Variants in PRIM2 observed in about 807,000 individuals in gnomAD.
The protein encoded by PRIM2 is DNA primase subunit 2.
PRIM2 carries 39 observed loss-of-function variants against 67.3 expected under a neutral mutation model. That is an observed-to-expected ratio of 0.58 (90% CI 0.45 to 0.76). The LOEUF is 0.76. Ranked by LOEUF, PRIM2 falls within the 30% of genes least tolerant of loss-of-function variation. PRIM2 has a pLI of 0.00. For missense variants in PRIM2, 398 were observed against 598.7 expected (o/e 0.66, Z 3.50); for synonymous variants, 143 against 198.7 (o/e 0.72, Z 2.36).
chr6:57,395,668 C>G (rs1770494676), intron 7 of PRIM2, among the ~76,000 whole-genome samples: 1 of 151,986 alleles, frequency 6.6e-6, no homozygotes, highest in Non-Finnish European at 1.5e-5. Context: ...TCATTTAATT[C>G]TGCTCTGATC....
intron 12 of PRIM2, among the ~76,000 whole-genome samples, chr6:57,630,947 TAGTC>T (rs1468094503): frequency 0.015 from 2,277 of 152,306 alleles, 67 homozygotes; most frequent in African/African-American, 0.053. Flanking sequence ...ACAGGCCAGA[TAGTC>T]AGACTGGCAG....
intron 7 of PRIM2, among the ~76,000 whole-genome samples, chr6:57,428,910 A>T (rs1771724634): frequency 1.3e-5 from 2 of 152,180 alleles, no homozygotes; most frequent in African/African-American, 4.8e-5. Context: ...GTATGTATAT[A>T]TGTATTCTAT....
At chr6:57,376,157 C>T (rs1158163205) in intron 5 of PRIM2, among the ~76,000 whole-genome samples, 1 of 152,140 alleles carries the variant, frequency 6.6e-6, no homozygotes, top group Non-Finnish European at 1.5e-5. Context: ...GTGATCATAC[C>T]ATTGCATTCC....
At chr6:57,294,455 T>C in the PRIM2 span, among the ~76,000 whole-genome samples, 1 of 152,144 alleles carries the variant, frequency 6.6e-6, no homozygotes, top group Non-Finnish European at 1.5e-5. Flanking sequence ...CACTCCAGCC[T>C]GGGCAACAGA....
chr6:57,360,502 C>T (rs1385482064), intron 5 of PRIM2, among the ~76,000 whole-genome samples: 1 of 152,086 alleles, frequency 6.6e-6, no homozygotes, highest in Non-Finnish European at 1.5e-5. Context: ...AATACAATTT[C>T]GTAAGTCCAG....
intron 7 of PRIM2, among the ~76,000 whole-genome samples, chr6:57,446,418 C>CTTTTTTTCTTTTTTTTTTTTTTTT (rs1772367208): frequency 1.2e-5 from 1 of 83,814 alleles, no homozygotes; most frequent in Non-Finnish European, 2.3e-5. Flanking sequence ...CACGCCACTT[C>CTTTTTTTCTTTTTTTTTTTTTTTT]TTTTTTTTTT....
chr6:57,507,405 C>T lies in PRIM2; in HGVS notation c.712C>T (p.Pro238Ser). 6.4e-7 allele frequency: 1 copy of T among 1,553,160 alleles called. No individual in the cohort carries two copies. Among genetic ancestry groups the T allele is most frequent in the Non-Finnish European group, 8.7e-7 (1 of 1,150,948 alleles). The change falls in exon 8 of 14, where the codon CCT becomes TCT. Residue 238 changes from proline (P) to serine (S), a missense_variant. This residue lies in a region of PRIM2 where 229 missense variants were observed against 383.6 expected (regional missense o/e 0.60). Coordinates refer to ENST00000615550, the MANE Select transcript of PRIM2 (RefSeq NM_000947.5). ...KALALTARSL[P>S]AVQSDERLQP... ...CTTTTAGTTAACAGCCAGGTCCTTG[C>T]CTGCTGTGCAGTCTGATGAAAGACT... is the stretch of plus-strand genomic sequence containing the variant.
intron 7 of PRIM2, among the ~76,000 whole-genome samples, chr6:57,441,301 T>C (rs1329933999): frequency 2.0e-5 from 3 of 152,236 alleles, no homozygotes; most frequent in African/African-American, 7.2e-5. Flanking sequence ...AGACCTTTTT[T>C]CCCCGCTAGC....
intron 5 of PRIM2, among the ~76,000 whole-genome samples, chr6:57,370,988 G>T (rs1415797114): frequency 6.6e-6 from 1 of 152,038 alleles, no homozygotes; most frequent in Admixed American, 6.6e-5. Context: ...ATGAGTGACT[G>T]CACCCAGCCC....
At chr6:57,275,072 C>T in the PRIM2 span, among the ~76,000 whole-genome samples, 4 of 152,084 alleles carry the variant, frequency 2.6e-5, no homozygotes, top group Non-Finnish European at 4.4e-5. Context: ...CCAGCCCCTC[C>T]TCCCACATTT....
intron 7 of PRIM2, among the ~76,000 whole-genome samples, chr6:57,465,834 ATTATAC>A (rs1416658967): frequency 0.047 from 7,193 of 151,656 alleles, 311 homozygotes; most frequent in African/African-American, 0.11. Context: ...TTTTTTTATA[ATTATAC>A]TTATAAGTTC....
At chr6:57,241,919 T>G in the PRIM2 span, among the ~76,000 whole-genome samples, 446 of 152,080 alleles carry the variant, frequency 2.9e-3, 6 homozygotes, top group East Asian at 0.056. Flanking sequence ...TGATCTGCCC[T>G]CCTTGGCCTC....
At chr6:57,380,118 C>G (rs1260415329) in intron 6 of PRIM2, 122 bp downstream of exon 6, 1 of 736,646 alleles carries the variant, frequency 1.4e-6, no homozygotes, top group African/African-American at 1.8e-5. Flanking sequence ...GTCTCCTGCA[C>G]AGATACTGTC....
chr6:57,590,238 G>C (rs1776262042), intron 10 of PRIM2, among the ~76,000 whole-genome samples: 1 of 152,152 alleles, frequency 6.6e-6, no homozygotes, highest in East Asian at 1.9e-4. Context: ...ACAAAGTCTT[G>C]GTGTGTGCTT....
At chr6:57,277,196 G>A in the PRIM2 span, among the ~76,000 whole-genome samples, 2 of 152,154 alleles carry the variant, frequency 1.3e-5, no homozygotes, top group African/African-American at 4.8e-5. Context: ...GACATGGGAT[G>A]GGAAGGTATC....
At chr6:57,418,389 T>G (rs77247638) in intron 7 of PRIM2, among the ~76,000 whole-genome samples, 978 of 75,438 alleles carry the variant, frequency 0.013, 99 homozygotes, top group East Asian at 0.042. Context: ...TGTGGTTTTT[T>G]TTTTTTTTTT....
chr6:57,403,021 C>T (rs550735280), intron 7 of PRIM2, among the ~76,000 whole-genome samples: 1 of 152,046 alleles, frequency 6.6e-6, no homozygotes, highest in Non-Finnish European at 1.5e-5. Flanking sequence ...AAAAATTACA[C>T]ATTATATATA....
chr6:57,292,044 G>A, the PRIM2 span, among the ~76,000 whole-genome samples: 5 of 152,092 alleles, frequency 3.3e-5, no homozygotes, highest in Non-Finnish European at 7.3e-5. Context: ...TAGGAAAAGA[G>A]GAAGTCAAAT....
the PRIM2 span, among the ~76,000 whole-genome samples, chr6:57,278,927 AT>A: frequency 6.6e-6 from 1 of 152,252 alleles, no homozygotes; most frequent in Non-Finnish European, 1.5e-5. Context: ...TGTGAGAATT[AT>A]ACTGAAACAA....
Sources: allele counts gnomAD v4.1 joint callset (sites outside exome capture counted in the v4.1 genomes callset), GRCh38; gene constraint gnomAD v4.1.1; regional missense constraint gnomAD v4.1.1; transcripts MANE v1.5; gene names NCBI Gene and HGNC (gene_info 2026-07-23, HGNC 2026-07-21).